The following IRAK3 variants were observed in gnomAD, a reference collection of about 807,000 sequenced individuals.
The protein encoded by IRAK3 is interleukin 1 receptor associated kinase 3.
IRAK3 carries 57 observed loss-of-function variants against 56.6 expected under a neutral mutation model. That is an observed-to-expected ratio of 1.01 (90% CI 0.81 to 1.26). The LOEUF (loss-of-function observed/expected upper bound fraction) is 1.26. Among genes scored for constraint, IRAK3 ranks in the 50% most tolerant of loss-of-function variants. IRAK3 has a pLI of 0.00. For synonymous variants in IRAK3, 258 were observed against 255.7 expected (o/e 1.01, Z -0.09); for missense variants, 703 against 719.0 (o/e 0.98, Z 0.25).
chr12:66,215,853 T>C (rs1426036758), intron 5 of IRAK3, among the ~76,000 whole-genome samples: 1 of 148,446 alleles, frequency 6.7e-6, no homozygotes, highest in Non-Finnish European at 1.5e-5. Context: ...ATGAGAGCAT[T>C]TAATGAAGCC....
Position 66,245,269 on chromosome 12 carries a change from A to T in IRAK3, c.1314+7A>T. The T allele has an allele frequency of 6.2e-7, 1 of 1,613,976 alleles. No homozygotes were observed. The highest frequency in any genetic ancestry group is 8.5e-7 in the Non-Finnish European group (1 of 1,179,870). The stretch of plus-strand genomic sequence containing the variant: ...AAGACCATCAATGGATGAAGTGAGT[A>T]TATACATGGTTTTATTCAAAACTGA... On this transcript the variant is annotated splice_region_variant and intron_variant, in intron 11 of 11. Coordinates refer to ENST00000261233, the MANE Select transcript of IRAK3 (RefSeq NM_007199.3).
At chr12:66,196,029 ATATCATT>A (rs2052449614) in intron 1 of IRAK3, among the ~76,000 whole-genome samples, 1 of 150,414 alleles carries the variant, frequency 6.6e-6, no homozygotes, top group Non-Finnish European at 1.5e-5. Context: ...ATTTTTCTCT[ATATCATT>A]TATCACCTCT....
chr12:66,221,046 A>C (rs2052728042), intron 6 of IRAK3, among the ~76,000 whole-genome samples: 1 of 152,132 alleles, frequency 6.6e-6, no homozygotes, highest in Non-Finnish European at 1.5e-5. Context: ...AGTTTCTTTC[A>C]TCAGTGTCCT....
At chr12:66,223,672 G>A (rs919540680) in intron 6 of IRAK3, among the ~76,000 whole-genome samples, 1 of 150,286 alleles carries the variant, frequency 6.7e-6, no homozygotes, top group African/African-American at 2.4e-5. Context: ...AAAAAAAAAA[G>A]TTATCATGGT....
At chr12:66,240,093 A>G (rs1211645617) in intron 8 of IRAK3, among the ~76,000 whole-genome samples, 1 of 152,182 alleles carries the variant, frequency 6.6e-6, no homozygotes, top group South Asian at 2.1e-4. Context: ...ATTTTAAGGT[A>G]AGGTAATGGA....
intron 8 of IRAK3, among the ~76,000 whole-genome samples, chr12:66,231,837 C>A (rs2052847715): frequency 6.6e-6 from 1 of 152,168 alleles, no homozygotes; most frequent in African/African-American, 2.4e-5. Context: ...TGGAATGCAG[C>A]TTTGGATTCT....
intron 6 of IRAK3, among the ~76,000 whole-genome samples, chr12:66,218,756 G>A (rs2052702214): frequency 2.6e-5 from 4 of 152,174 alleles, no homozygotes; most frequent in African/African-American, 9.7e-5. Context: ...CACCCATGCT[G>A]TACTTTAGAT....
At chr12:66,244,870 T>A in intron 9 of IRAK3, 78 bp from the exon 10 acceptor site, 1 of 1,157,670 alleles carries the variant, frequency 8.6e-7, no homozygotes, top group South Asian at 1.2e-5. Flanking sequence ...ACTATATTCA[T>A]AGTCATGGTT....
At chr12:66,210,820 C>T (rs1163297860) in intron 4 of IRAK3, among the ~76,000 whole-genome samples, 1 of 152,146 alleles carries the variant, frequency 6.6e-6, no homozygotes, top group Non-Finnish European at 1.5e-5. Flanking sequence ...CATTAAGTGT[C>T]TTCAGAGAGG....
chr12:66,229,515 T>C (rs1451021452), intron 8 of IRAK3, among the ~76,000 whole-genome samples: 1 of 152,342 alleles, frequency 6.6e-6, no homozygotes, highest in East Asian at 1.9e-4. Context: ...TACTTGTTTT[T>C]CTGATGAAAT....
chr12:66,236,772 G>T (rs1006417564), intron 8 of IRAK3, among the ~76,000 whole-genome samples: 1 of 152,098 alleles, frequency 6.6e-6, no homozygotes. Context: ...ACGAGTCTAG[G>T]ACTGTTACAG....
chr12:66,243,233 A>T (rs571385071), intron 8 of IRAK3, among the ~76,000 whole-genome samples: 1 of 152,324 alleles, frequency 6.6e-6, no homozygotes, highest in African/African-American at 2.4e-5. Context: ...AACAGTAAGA[A>T]CACTTGCAGT....
Position 66,251,305 on chromosome 12 carries a change from T to C in IRAK3, c.*3134T>C, listed in dbSNP as rs2053097054. 1 of 152,210 alleles carries C rather than the reference T, an allele frequency of 6.6e-6. No individual in the cohort carries two copies. The highest frequency in any genetic ancestry group is 6.5e-5 in the Admixed American group (1 of 15,276). 9.4% of individuals were successfully genotyped at this position (152,210 alleles called of 1,614,324 possible). A position where few individuals can be genotyped will look rare whatever the true frequency, so the allele number is the denominator to read the frequency against. ...ATTTGCCTTCTAGTGGGTGTATTAATAAGCGTTAGTTGATATGAATTAAAT... is the reference window on the plus strand; with the variant it reads ...ATTTGCCTTCTAGTGGGTGTATTAACAAGCGTTAGTTGATATGAATTAAAT... On this transcript the variant is annotated 3_prime_UTR_variant, in exon 12 of 12. Transcript: ENST00000261233.
At chr12:66,219,070 C>G (rs1327330925) in intron 6 of IRAK3, among the ~76,000 whole-genome samples, 1 of 148,628 alleles carries the variant, frequency 6.7e-6, no homozygotes, top group Non-Finnish European at 1.5e-5. Context: ...GTGTGTGTGT[C>G]TCACACTTTA....
intron 11 of IRAK3, 131 bp downstream of exon 11, chr12:66,245,393 A>G: frequency 1.0e-6 from 1 of 967,062 alleles, no homozygotes; most frequent in South Asian, 1.4e-5. Flanking sequence ...GAATTCCAAC[A>G]TAATAGTGTT....
chr12:66,204,778 G>GCGCACACACA (rs1026097833), intron 2 of IRAK3, among the ~76,000 whole-genome samples: 7 of 147,812 alleles, frequency 4.7e-5, no homozygotes, highest in South Asian at 2.2e-4. Flanking sequence ...GAGCCCTTGC[G>GCGCACACACA]CACACACACA....
chr12:66,226,697 G>A (rs750361092), intron 6 of IRAK3, 26 bp from the exon 7 acceptor site: 1 of 1,344,252 alleles, frequency 7.4e-7, no homozygotes, highest in African/African-American at 1.4e-5. Flanking sequence ...GCAATTTGAT[G>A]GCTTTAAAAC....
chr12:66,197,769 G>A (rs374910481), intron 1 of IRAK3: 11 of 985,194 alleles, frequency 1.1e-5, no homozygotes, highest in Admixed American at 6.2e-5. Flanking sequence ...AGCTCATTTG[G>A]CATCTGTTCA....
At chr12:66,237,325 G>A (rs1468161176) in intron 8 of IRAK3, among the ~76,000 whole-genome samples, 1 of 152,142 alleles carries the variant, frequency 6.6e-6, no homozygotes, top group Non-Finnish European at 1.5e-5. Context: ...GGCCCAGCAT[G>A]TTGTGGGGGT....
Sources: allele counts gnomAD v4.1 joint callset (sites outside exome capture counted in the v4.1 genomes callset), GRCh38; gene constraint gnomAD v4.1.1; transcripts MANE v1.5; gene names NCBI Gene and HGNC (gene_info 2026-07-23, HGNC 2026-07-21).